Variants in PCDH15 observed in about 807,000 individuals in gnomAD.
PCDH15 encodes protocadherin related 15.
In PCDH15, 129 loss-of-function variants were observed where a neutral mutation model predicts 178.5. The observed-to-expected ratio is 0.72, with a 90% CI of 0.63 to 0.84. The LOEUF is 0.84. Ranked by LOEUF, PCDH15 falls within the 40% of genes least tolerant of loss-of-function variation. PCDH15 has a pLI of 0.00. For missense variants in PCDH15, 2,230 were observed against 2,099.9 expected (o/e 1.06, Z -1.21); for synonymous variants, 800 against 732.0 (o/e 1.09, Z -1.50).
chr10:54,164,789 A>T (rs2046050572), intron 13 of PCDH15, among the ~76,000 whole-genome samples: 1 of 151,966 alleles, frequency 6.6e-6, no homozygotes, highest in Non-Finnish European at 1.5e-5. Flanking sequence ...TAATGAGTGC[A>T]GATGACTTAG....
chr10:54,099,461 T>G (rs1177106825), intron 15 of PCDH15, among the ~76,000 whole-genome samples: 2 of 125,846 alleles, frequency 1.6e-5, no homozygotes, highest in African/African-American at 6.2e-5. Context: ...ATCACTCCAC[T>G]GCACTCCAAC....
chr10:54,185,502 G>A (rs376341066), intron 11 of PCDH15, among the ~76,000 whole-genome samples: 30 of 151,966 alleles, frequency 2.0e-4, no homozygotes, highest in East Asian at 1.7e-3. Context: ...TATAATCAAT[G>A]TGGGAAAAAA....
chr10:54,362,099 A>G (rs1348086103), intron 5 of PCDH15, among the ~76,000 whole-genome samples: 1 of 152,130 alleles, frequency 6.6e-6, no homozygotes, highest in Admixed American at 6.6e-5. Flanking sequence ...GAAAACACTT[A>G]GAATTTGCTT....
chr10:54,705,561 A>G (rs1345991700), intron 1 of PCDH15, among the ~76,000 whole-genome samples: 1 of 152,130 alleles, frequency 6.6e-6, no homozygotes, highest in Admixed American at 6.6e-5. Context: ...ATCTATAATC[A>G]GTTTTTACAA....
chr10:54,852,627 T>G (rs1347395390), intron 3 of PCDH15, among the ~76,000 whole-genome samples: 1 of 147,012 alleles, frequency 6.8e-6, no homozygotes, highest in Non-Finnish European at 1.5e-5. Context: ...CCGAGGCAGG[T>G]GGATCATGAG....
At chr10:54,300,271 T>C (rs1440140627) in intron 8 of PCDH15, among the ~76,000 whole-genome samples, 1 of 152,108 alleles carries the variant, frequency 6.6e-6, no homozygotes, top group Non-Finnish European at 1.5e-5. Context: ...ACCTCTGGAG[T>C]TGGGTGACAT....
intron 2 of PCDH15, among the ~76,000 whole-genome samples, chr10:54,602,364 T>G (rs1040711734): frequency 6.6e-6 from 1 of 152,002 alleles, no homozygotes; most frequent in African/African-American, 2.4e-5. Flanking sequence ...AATTCATGTA[T>G]TAATTGTAGC....
At chr10:55,475,018 C>T (rs1565176858) in intron 2 of PCDH15, among the ~76,000 whole-genome samples, 1 of 152,058 alleles carries the variant, frequency 6.6e-6, no homozygotes, top group Non-Finnish European at 1.5e-5. Flanking sequence ...AAATTAGTAC[C>T]TTCACAACAC....
chr10:53,917,447 T>G (rs893327929), intron 25 of PCDH15, among the ~76,000 whole-genome samples: 3 of 151,978 alleles, frequency 2.0e-5, no homozygotes, highest in Non-Finnish European at 4.4e-5. Context: ...ATGAATAAAT[T>G]TACTAAAATA....
At position 55,242,339 on chromosome 10, in the gene PCDH15, T is replaced by C. The variant is rs73269632; in HGVS notation, c.-155-75688A>G. On this transcript the variant is annotated intron_variant, in intron 1 of 5. Transcript: ENST00000458638. ...TCAATCCCAACTATAATACTGTGTG[T>C]ACTATTTAAATTGGATATAAATAGC... Among the ~76,000 whole-genome samples, 1,124 of 152,232 alleles carry C rather than the reference T, an allele frequency of 7.4e-3. 18 individuals carry two copies. The highest frequency in any genetic ancestry group is 0.025 in the African/African-American group (1,053 of 41,544).
chr10:53,937,368 T>G (rs1161295554), intron 25 of PCDH15, among the ~76,000 whole-genome samples: 3 of 152,200 alleles, frequency 2.0e-5, no homozygotes, highest in African/African-American at 7.2e-5. Context: ...GCATTTGCAA[T>G]AAAATAGGTT....
At chr10:53,829,206 G>A (rs1281796366) in intron 30 of PCDH15, among the ~76,000 whole-genome samples, 4 of 152,096 alleles carry the variant, frequency 2.6e-5, no homozygotes, top group Admixed American at 6.5e-5. Flanking sequence ...TATGTGAGCA[G>A]AGAAAAACTC....
chr10:54,842,806 GAA>G (rs1953441777), intron 3 of PCDH15, among the ~76,000 whole-genome samples: 1 of 151,892 alleles, frequency 6.6e-6, no homozygotes, highest in African/African-American at 2.4e-5. Flanking sequence ...TTTGGATAAT[GAA>G]AGTCTTATGT....
upstream of PCDH15, among the ~76,000 whole-genome samples, chr10:54,805,126 A>G (rs1952758974): frequency 6.6e-6 from 1 of 151,486 alleles, no homozygotes; most frequent in African/African-American, 2.4e-5. Context: ...TAGCAAACCA[A>G]TACTAACTCA....
intron 26 of PCDH15, among the ~76,000 whole-genome samples, chr10:53,871,883 A>G (rs1468410854): frequency 3.3e-5 from 5 of 152,052 alleles, no homozygotes; most frequent in African/African-American, 9.7e-5. Context: ...CCTCCCCAGC[A>G]GCTGGGATTA....
chr10:55,558,639 A>G (rs1292063901), intron 2 of PCDH15, among the ~76,000 whole-genome samples: 2 of 152,122 alleles, frequency 1.3e-5, no homozygotes, highest in Non-Finnish European at 2.9e-5. Context: ...GCTTTATACA[A>G]TTTTTAAACC....
intron 1 of PCDH15, among the ~76,000 whole-genome samples, chr10:54,729,474 A>G (rs1387595952): frequency 6.6e-6 from 1 of 151,644 alleles, no homozygotes; most frequent in Non-Finnish European, 1.5e-5. Flanking sequence ...AATCTAGAAA[A>G]TACTAGACAT....
At chr10:54,418,207 G>C (rs1471824211) in intron 3 of PCDH15, among the ~76,000 whole-genome samples, 2 of 152,098 alleles carry the variant, frequency 1.3e-5, no homozygotes, top group Admixed American at 6.6e-5. Context: ...CAGAGTACTT[G>C]AATGGTACAG....
intron 23 of PCDH15, among the ~76,000 whole-genome samples, chr10:53,951,595 T>C (rs2087055134): frequency 1.3e-5 from 2 of 152,316 alleles, no homozygotes; most frequent in South Asian, 4.1e-4. Flanking sequence ...TTGTTACAAT[T>C]TGAGATTTTT....
Sources: gnomAD v4.1 joint callset for allele counts (sites outside exome capture counted in the v4.1 genomes callset) on GRCh38, gnomAD v4.1.1 for gene constraint, MANE v1.5 for transcripts, NCBI Gene and HGNC (gene_info 2026-07-23, HGNC 2026-07-21) for gene names.